Variants in REEP5 observed in about 807,000 individuals in gnomAD.
The protein encoded by REEP5 is receptor accessory protein 5.
In REEP5, 24 loss-of-function variants were observed where a neutral mutation model predicts 22.4. That is an observed-to-expected ratio of 1.07 (90% CI 0.78 to 1.51). The LOEUF (loss-of-function observed/expected upper bound fraction) is 1.51. REEP5 is among the 40% of genes most tolerant of loss of function. The pLI, the probability that REEP5 is intolerant of heterozygous loss-of-function variation, is 0.00. For synonymous variants in REEP5, 103 were observed against 88.6 expected (o/e 1.16, Z -0.92); for missense variants, 252 against 233.0 (o/e 1.08, Z -0.53).
At chr5:112,898,206 A>C (rs1768751510) in intron 3 of REEP5, 1 of 152,178 alleles carries the variant, frequency 6.6e-6, no homozygotes, top group Non-Finnish European at 1.5e-5. Context: ...TACAGACGAG[A>C]CTCTGCAATT....
At chr5:112,892,216 T>G (rs1288826109) in intron 3 of REEP5, 1 of 1,614,180 alleles carries the variant, frequency 6.2e-7, no homozygotes, top group East Asian at 2.2e-5. Flanking sequence ...AGACAGATGT[T>G]CACGTAAACA....
At chr5:112,890,202 G>C (rs1768392773) in intron 3 of REEP5, among the ~76,000 whole-genome samples, 1 of 150,264 alleles carries the variant, frequency 6.7e-6, no homozygotes, top group African/African-American at 2.5e-5. Context: ...AGGTGGGAGG[G>C]TGGCTTGACC....
intron 3 of REEP5, chr5:112,892,593 T>C (rs1461783413): frequency 1.2e-6 from 2 of 1,614,048 alleles, no homozygotes; most frequent in East Asian, 2.2e-5. Flanking sequence ...CGATTTGTGG[T>C]TTATTTGAAA....
intron 1 of REEP5, 24 bp downstream of exon 1, chr5:112,922,049 C>A (rs766619461): frequency 6.3e-7 from 1 of 1,579,698 alleles, no homozygotes; most frequent in Non-Finnish European, 8.6e-7. Context: ...GCCCTACCAG[C>A]GGCGGCGACC....
At chr5:112,879,567 G>C (rs1183057068) in intron 4 of REEP5, among the ~76,000 whole-genome samples, 1 of 152,040 alleles carries the variant, frequency 6.6e-6, no homozygotes, top group East Asian at 1.9e-4. Context: ...TCTGCCTCCC[G>C]GGTTCATGCC....
In REEP5 at chr5:112,876,804, C is replaced by G. The variant is rs908894318; in HGVS notation, c.*1982G>C. 1.3e-5 allele frequency: 2 copies of G among 151,970 alleles called. No individual in the cohort carries two copies. The highest frequency in any genetic ancestry group is 2.4e-5 in the African/African-American group (1 of 41,334). 9.4% of individuals were successfully genotyped at this position (151,970 alleles called of 1,614,324 possible). On this transcript the variant is annotated 3_prime_UTR_variant, in exon 5 of 5. Transcript: ENST00000379638. ...CACTTAGACTGCCAGCAACAGTTAA[C>G]TTAAATTTTGGTCTCAAGGGAACAA...
chr5:112,882,285 C>G (rs1369481074), intron 4 of REEP5, among the ~76,000 whole-genome samples: 2 of 152,102 alleles, frequency 1.3e-5, no homozygotes, highest in Non-Finnish European at 2.9e-5. Context: ...CACCTTTTAT[C>G]TTTGTAGTGC....
chr5:112,907,403 G>T lies in REEP5; in HGVS notation c.213-4885C>A, dbSNP rs150162834. ...CTCACCACTGTTCTAAAGCCTGGCCGCCTAGGCTCAGTGCTGTGGCTTCCT... is the reference window on the plus strand; with the variant it reads ...CTCACCACTGTTCTAAAGCCTGGCCTCCTAGGCTCAGTGCTGTGGCTTCCT... On this transcript the variant is annotated intron_variant, in intron 2 of 4. Coordinates refer to ENST00000379638, the MANE Select transcript of REEP5 (RefSeq NM_005669.5). Among the ~76,000 whole-genome samples, 33 of 152,292 alleles carry T rather than the reference G, an allele frequency of 2.2e-4. No individual in the cohort carries two copies. In the East Asian group the frequency reaches 6.0e-3, roughly 28 times the overall value.
At chr5:112,901,554 A>C (rs1378658157) in intron 3 of REEP5, among the ~76,000 whole-genome samples, 1 of 152,090 alleles carries the variant, frequency 6.6e-6, no homozygotes, top group Non-Finnish European at 1.5e-5. Flanking sequence ...ACCAAAAAAA[A>C]TACAAAAATT....
intron 3 of REEP5, chr5:112,898,277 A>G (rs1175343223): frequency 6.6e-6 from 1 of 152,202 alleles, no homozygotes; most frequent in African/African-American, 2.4e-5. Context: ...ATGTAGGAAG[A>G]AAGTATTTTG....
At chr5:112,892,202 T>G (rs1395928937) in intron 3 of REEP5, 61 of 1,614,084 alleles carry the variant, frequency 3.8e-5, no homozygotes, top group Non-Finnish European at 5.0e-5. Flanking sequence ...GCTTGCAGAT[T>G]TGGAGACAGA....
At position 112,887,119 on chromosome 5, in the gene REEP5, C is replaced by T. The variant is rs138223212; in HGVS notation, c.416G>A (p.Arg139His). Residue 139 changes from arginine (R) to histidine (H), a missense_variant, in exon 4 of 5, where the codon CGC becomes CAC. By Grantham distance (29) the Arg-to-His change is conservative (BLOSUM62 0). Coordinates refer to ENST00000379638, the MANE Select transcript of REEP5 (RefSeq NM_005669.5). ...CTTCAGGAAGAAAGGACGGATGATG[C>T]GCTTGTAGAGCAGTTCAGCCCCATT... ...PSNGAELLYK[R>H]IIRPFFLKHE... 4.2e-5 allele frequency: 67 copies of T among 1,613,426 alleles called. No homozygotes were observed. The highest frequency in any genetic ancestry group is 3.5e-4 in the Middle Eastern group (2 of 5,650).
chr5:112,918,882 G>C (rs75330917), intron 2 of REEP5, among the ~76,000 whole-genome samples: 8,899 of 152,128 alleles, frequency 0.058, 491 homozygotes, highest in African/African-American at 0.13. Context: ...CATTCCTCAG[G>C]TCTTCTCTAC....
intron 3 of REEP5, chr5:112,892,497 A>G: frequency 6.2e-7 from 1 of 1,614,228 alleles, no homozygotes; most frequent in Non-Finnish European, 8.5e-7. Flanking sequence ...AAGAATGCCA[A>G]GCAGCCCTTT....
chr5:112,914,609 T>C (rs550995772), intron 2 of REEP5, among the ~76,000 whole-genome samples: 3 of 152,282 alleles, frequency 2.0e-5, no homozygotes, highest in African/African-American at 7.2e-5. Context: ...AAACCAGTGG[T>C]TCTATAAGTA....
At position 112,894,159 on chromosome 5, in the gene REEP5, G is replaced by GT. The variant is rs1470322687; in HGVS notation, c.352-6977dup. ...TTTTTTTGAGACGGAGTCTTGCTCT[G>GT]TTGCCAGGCGGGAGTGCAGTGGCGT... On this transcript the variant is annotated intron_variant, in intron 3 of 4. Coordinates refer to ENST00000379638, the MANE Select transcript of REEP5 (RefSeq NM_005669.5). The GT allele has an allele frequency of 4.6e-4, 66 of 142,608 alleles. 1 individual carries two copies. The highest frequency in any genetic ancestry group is 1.7e-3 in the African/African-American group (65 of 38,744). The allele number at this position is 142,608 out of a possible 1,614,324, so 8.8% of individuals were successfully genotyped here.
At chr5:112,879,583 C>T (rs1049711360) in intron 4 of REEP5, among the ~76,000 whole-genome samples, 1 of 152,158 alleles carries the variant, frequency 6.6e-6, no homozygotes, top group Non-Finnish European at 1.5e-5. Context: ...ATGCCATTCT[C>T]CTGCCTCAGC....
At position 112,908,985 on chromosome 5, in the gene REEP5, C is replaced by T. The variant is rs79162398; in HGVS notation, c.213-6467G>A. Reference sequence around the variant, plus strand: ...AGAGACACACAAGGAGAAAAGAGAGCCACACAGCCCATCACATGAAATTGA... The same window carrying T: ...AGAGACACACAAGGAGAAAAGAGAGTCACACAGCCCATCACATGAAATTGA... On this transcript the variant is annotated intron_variant, in intron 2 of 4. Transcript: ENST00000379638. 9.0e-3 allele frequency among the ~76,000 whole-genome samples: 1,366 copies of T among 151,602 alleles called. 23 individuals carry two copies. Among genetic ancestry groups the T allele is most frequent in the African/African-American group, 0.032 (1,316 of 41,272 alleles).
intron 2 of REEP5, among the ~76,000 whole-genome samples, chr5:112,908,714 C>A (rs1225773050): frequency 6.6e-6 from 1 of 151,736 alleles, no homozygotes; most frequent in Non-Finnish European, 1.5e-5. Context: ...CACGACCACG[C>A]CAGCTAATTT....
Sources: allele counts gnomAD v4.1 joint callset (sites outside exome capture counted in the v4.1 genomes callset), GRCh38; gene constraint gnomAD v4.1.1; transcripts MANE v1.5; gene names NCBI Gene and HGNC (gene_info 2026-07-23, HGNC 2026-07-21).